The following IFT74 variants were observed in gnomAD, a reference collection of about 807,000 sequenced individuals.
IFT74 encodes intraflagellar transport protein 74 homolog.
Under a neutral mutation model 96.7 loss-of-function variants are expected in IFT74, and 92 were observed. The ratio of observed to expected loss-of-function variants is 0.95; its 90% CI spans 0.80 to 1.13. The LOEUF (loss-of-function observed/expected upper bound fraction) is 1.13. Among genes scored for constraint, IFT74 ranks in the 50% most tolerant of loss-of-function variants. IFT74 has a pLI of 0.00. For missense variants in IFT74, 811 were observed against 698.2 expected (o/e 1.16, Z -1.82); for synonymous variants, 223 against 213.2 (o/e 1.05, Z -0.40).
chr9:27,031,334 G>T (rs910426023), intron 13 of IFT74, among the ~76,000 whole-genome samples: 9 of 152,040 alleles, frequency 5.9e-5, no homozygotes, highest in African/African-American at 2.2e-4. Flanking sequence ...GGGCCTGGTG[G>T]TGGGCGCCTG....
At chr9:26,992,174 A>C (rs1827916697) in intron 8 of IFT74, among the ~76,000 whole-genome samples, 1 of 152,240 alleles carries the variant, frequency 6.6e-6, no homozygotes, top group African/African-American at 2.4e-5. Flanking sequence ...TATTATATTT[A>C]CATATTTTAC....
intron 13 of IFT74, among the ~76,000 whole-genome samples, chr9:27,043,142 T>TC (rs1408822405): frequency 6.6e-6 from 1 of 152,196 alleles, no homozygotes; most frequent in African/African-American, 2.4e-5. Context: ...ATCCAGGGTT[T>TC]CCTATTGGTG....
chr9:26,955,262 T>C (rs1264706675), upstream of IFT74, among the ~76,000 whole-genome samples: 2 of 152,148 alleles, frequency 1.3e-5, no homozygotes, highest in African/African-American at 4.8e-5. Context: ...ACACTGCAGC[T>C]TGCAACAACA....
In IFT74 at chr9:26,956,423, A is replaced by C. The variant is rs1826097793; in HGVS notation, c.-113A>C. 1 of 152,236 alleles carries C rather than the reference A, an allele frequency of 6.6e-6. No individual in the cohort carries two copies. 9.4% of individuals were successfully genotyped at this position (152,236 alleles called of 1,614,324 possible). Reference sequence around the variant, plus strand: ...CCGCGGCGCACGGCAGTTAGTGGGTAGGCCTGAGAGCCGAGGAAAACTGAG... The same window carrying C: ...CCGCGGCGCACGGCAGTTAGTGGGTCGGCCTGAGAGCCGAGGAAAACTGAG... On this transcript the variant is annotated 5_prime_UTR_variant, in exon 1 of 20. Transcript: ENST00000380062.
intron 14 of IFT74, 56 bp from the exon 15 acceptor site, chr9:27,047,218 T>C (rs978071352): frequency 1.9e-6 from 2 of 1,035,238 alleles, no homozygotes; most frequent in African/African-American, 3.3e-5. Context: ...CAAATCAGAG[T>C]TTATATAGTG....
rs189733473 is a variant in IFT74, at chr9:27,064,891, T to C, written c.*2155T>C. Among the ~76,000 whole-genome samples the C allele has an allele frequency of 2.1e-3, 313 of 152,254 alleles. No individual in the cohort carries two copies. Among genetic ancestry groups the C allele is most frequent in the Non-Finnish European group, 3.8e-3 (256 of 67,978 alleles). ...TGATTGTAATCTTCCTTGGGCTTTT[T>C]GGTATTTTCAAAATTGTCTGTGATG... On this transcript the variant is annotated 3_prime_UTR_variant, in exon 20 of 20. Transcript: ENST00000380062.
At chr9:26,958,095 G>A (rs1259426933) in intron 1 of IFT74, among the ~76,000 whole-genome samples, 1 of 152,072 alleles carries the variant, frequency 6.6e-6, no homozygotes, top group African/African-American at 2.4e-5. Context: ...TTTGTAATTG[G>A]CAATACCTTT....
chr9:27,049,009 A>G (rs935751405), intron 16 of IFT74, among the ~76,000 whole-genome samples: 3 of 151,992 alleles, frequency 2.0e-5, no homozygotes, highest in African/African-American at 7.3e-5. Flanking sequence ...TCCTTGCAGT[A>G]ATTAGTATGT....
chr9:27,045,863 T>A (rs1819678005), intron 14 of IFT74, among the ~76,000 whole-genome samples: 1 of 152,170 alleles, frequency 6.6e-6, no homozygotes, highest in South Asian at 2.1e-4. Context: ...AATATTTTTT[T>A]AAGTCTTTTG....
At chr9:27,008,748 G>A (rs1828907951) in intron 8 of IFT74, among the ~76,000 whole-genome samples, 1 of 152,138 alleles carries the variant, frequency 6.6e-6, no homozygotes, top group South Asian at 2.1e-4. Context: ...GGTAATCTTT[G>A]TGATTTCTTA....
At chr9:26,950,662 A>C (rs1825905069) in intron 1 of IFT74, among the ~76,000 whole-genome samples, 1 of 152,220 alleles carries the variant, frequency 6.6e-6, no homozygotes, top group African/African-American at 2.4e-5. Flanking sequence ...TAATTCTGCA[A>C]AGGTAGTTTA....
chr9:27,057,608 A>G (rs766511343), intron 18 of IFT74, among the ~76,000 whole-genome samples: 1 of 152,218 alleles, frequency 6.6e-6, no homozygotes, highest in Non-Finnish European at 1.5e-5. Context: ...CTGTAATCCC[A>G]GCACTTTGGG....
At position 27,007,243 on chromosome 9, in the gene IFT74, G is replaced by T. The variant is rs1028543418; in HGVS notation, c.588-1777G>T. Among the ~76,000 whole-genome samples the T allele has an allele frequency of 2.0e-5, 3 of 152,068 alleles. No individual in the cohort carries two copies. The East Asian group carries it at 5.8e-4, about 29-fold the overall frequency. ...AGACCTTACACCTGGACATCATATG[G>T]CCTTTAGAAAGTCAGTTACTTTTCT... On this transcript the variant is annotated intron_variant, in intron 8 of 19. Transcript: ENST00000380062.
chr9:27,021,198 C>T (rs1310685041), intron 12 of IFT74, among the ~76,000 whole-genome samples: 19 of 152,066 alleles, frequency 1.2e-4, no homozygotes, highest in Non-Finnish European at 1.5e-5. Flanking sequence ...TACGCACACA[C>T]ACATACATAC....
At chr9:27,001,176 T>C (rs955406239) in intron 8 of IFT74, among the ~76,000 whole-genome samples, 1 of 152,190 alleles carries the variant, frequency 6.6e-6, no homozygotes, top group Non-Finnish European at 1.5e-5. Flanking sequence ...ATTGTATATA[T>C]ATGCTACTTT....
intron 3 of IFT74, 120 bp from the exon 4 acceptor site, chr9:26,980,451 A>T: frequency 2.8e-6 from 2 of 725,192 alleles, no homozygotes; most frequent in Middle Eastern, 2.3e-4. Flanking sequence ...TTCTTGATTC[A>T]TTGGGGCATT....
At chr9:26,965,045 C>A (rs1826547032) in intron 2 of IFT74, among the ~76,000 whole-genome samples, 2 of 152,104 alleles carry the variant, frequency 1.3e-5, no homozygotes, top group Non-Finnish European at 2.9e-5. Context: ...AGAAGACTTA[C>A]AACAGGTGAA....
intron 13 of IFT74, among the ~76,000 whole-genome samples, chr9:27,034,741 G>A (rs923341031): frequency 6.6e-6 from 1 of 152,114 alleles, no homozygotes; most frequent in African/African-American, 2.4e-5. Flanking sequence ...TGTTGGTCAG[G>A]CTGGTCTCAA....
chr9:27,056,462 A>G lies in IFT74; in HGVS notation c.1623+3A>G, dbSNP rs775290576. ...AAGAAAATGAGACACATTCTCAGGT[A>G]AAAAATGTTTTAAATGACTTTGAAA... On this transcript the variant is annotated splice_donor_region_variant and intron_variant, in intron 18 of 19. Transcript: ENST00000380062. The G allele has an allele frequency of 3.7e-5, 58 of 1,587,164 alleles. No individual in the cohort carries two copies. Among genetic ancestry groups the G allele is most frequent in the Non-Finnish European group, 4.8e-5 (56 of 1,169,684 alleles).
Sources: allele counts gnomAD v4.1 joint callset (sites outside exome capture counted in the v4.1 genomes callset), GRCh38; gene constraint gnomAD v4.1.1; transcripts MANE v1.5; gene names NCBI Gene and HGNC (gene_info 2026-07-23, HGNC 2026-07-21).